ATOSB: variants seen among roughly 807,000 people sequenced by gnomAD.
ATOSB encodes the protein atos homolog B, also known as atos homolog protein B.
At chr9:35,107,876 G>C in the ATOSB span, 1 of 1,596,132 alleles carries the variant, frequency 6.3e-7, no homozygotes, top group Non-Finnish European at 8.5e-7. Context: ...TCCAAGATGA[G>C]GTGACACTAC....
At chr9:35,108,188 C>G in the ATOSB span, 1 of 1,597,674 alleles carries the variant, frequency 6.3e-7, no homozygotes, top group Non-Finnish European at 8.5e-7. Flanking sequence ...GCAGGCCACC[C>G]TGGAGGGCCC....
chr9:35,108,428 C>T, the ATOSB span: 1 of 1,400,544 alleles, frequency 7.1e-7, no homozygotes, highest in Non-Finnish European at 9.2e-7. Flanking sequence ...CAGACCCTCT[C>T]CTTGCCTAAA....
chr9:35,112,167 C>A, the ATOSB span, among the ~76,000 whole-genome samples: 1 of 152,212 alleles, frequency 6.6e-6, no homozygotes, highest in Non-Finnish European at 1.5e-5. Context: ...AGAAGTGGTA[C>A]TTTTCCCTCT....
chr9:35,105,130 G>A, the ATOSB span: 2 of 1,388,984 alleles, frequency 1.4e-6, no homozygotes, highest in Non-Finnish European at 1.9e-6. This position sits in a 1 kb window ranked among gnomAD's most constrained non-coding sequence, Gnocchi z 5.5. Context: ...ATTCAAGCCT[G>A]AAGGGTCTCT....
At chr9:35,106,975 G>C in the ATOSB span, 1 of 1,240,340 alleles carries the variant, frequency 8.1e-7, no homozygotes. This position sits in a 1 kb window ranked among gnomAD's most constrained non-coding sequence, Gnocchi z 4.6. Flanking sequence ...ACTCTCAAAG[G>C]AACACCCTGC....
At chr9:35,107,850 C>A in the ATOSB span, 3 of 1,598,202 alleles carry the variant, frequency 1.9e-6, no homozygotes, top group Non-Finnish European at 2.6e-6. Flanking sequence ...GCAGGGGGGA[C>A]TCCAGGCCCC....
the ATOSB span, chr9:35,106,787 G>A: frequency 3.9e-6 from 6 of 1,545,740 alleles, no homozygotes; most frequent in Non-Finnish European, 5.3e-6. The surrounding 1 kb of genome is among the most constrained non-coding windows in gnomAD (Gnocchi z 4.6). Flanking sequence ...ACAGACTTCT[G>A]CCCCCATTCT....
chr9:35,112,858 T>TA, the ATOSB span, among the ~76,000 whole-genome samples: 14 of 152,094 alleles, frequency 9.2e-5, no homozygotes, highest in African/African-American at 3.4e-4. Flanking sequence ...CCTGAGGTTA[T>TA]ATCACTAGAT....
chr9:35,108,120 A>G, the ATOSB span: 1 of 1,565,554 alleles, frequency 6.4e-7, no homozygotes, highest in Non-Finnish European at 8.6e-7. Flanking sequence ...AGGGGAAAAG[A>G]TGGATACCTG....
the ATOSB span, chr9:35,106,952 A>C: frequency 6.9e-7 from 1 of 1,447,384 alleles, no homozygotes; most frequent in Non-Finnish European, 9.5e-7. The surrounding 1 kb of genome is among the most constrained non-coding windows in gnomAD (Gnocchi z 4.6). Flanking sequence ...TTTGGGGCAG[A>C]AGCTCATCAC....
chr9:35,106,945 G>A, the ATOSB span: 1 of 1,486,084 alleles, frequency 6.7e-7, no homozygotes. This position sits in a 1 kb window ranked among gnomAD's most constrained non-coding sequence, Gnocchi z 4.6. Context: ...TGTATGTTTT[G>A]GGGCAGAAGC....
chr9:35,108,131 G>A, the ATOSB span: 1 of 1,570,598 alleles, frequency 6.4e-7, no homozygotes, highest in Non-Finnish European at 8.6e-7. Context: ...TGGATACCTG[G>A]TAGACCCCGG....
the ATOSB span, among the ~76,000 whole-genome samples, chr9:35,112,909 T>A: frequency 1.3e-5 from 2 of 152,038 alleles, no homozygotes; most frequent in African/African-American, 4.8e-5. Context: ...AGTCCCTCAG[T>A]CCTAGACTTG....
chr9:35,104,583 GCACA>G, the ATOSB span: 5 of 387,298 alleles, frequency 1.3e-5, no homozygotes, highest in East Asian at 5.1e-4. Context: ...ACAAGCTTGT[GCACA>G]CACACATACG....
the ATOSB span, chr9:35,108,278 G>GC: frequency 1.3e-6 from 2 of 1,539,456 alleles, no homozygotes; most frequent in East Asian, 2.4e-5. Context: ...GGCGCATGAA[G>GC]CCCCCCTTGG....
chr9:35,105,158 T>C, the ATOSB span: 1 of 1,519,720 alleles, frequency 6.6e-7, no homozygotes, highest in Non-Finnish European at 8.9e-7. This position sits in a 1 kb window ranked among gnomAD's most constrained non-coding sequence, Gnocchi z 5.5. Context: ...TCTCCATATA[T>C]GTTCTCTAAG....
chr9:35,105,992 G>A, the ATOSB span: 1 of 1,613,864 alleles, frequency 6.2e-7, no homozygotes, highest in Non-Finnish European at 8.5e-7. The surrounding 1 kb of genome is among the most constrained non-coding windows in gnomAD (Gnocchi z 5.5). Context: ...TCCCCAAGGG[G>A]TTCAGATCCA....
the ATOSB span, among the ~76,000 whole-genome samples, chr9:35,113,354 G>A: frequency 2.6e-4 from 39 of 152,146 alleles, no homozygotes; most frequent in African/African-American, 8.9e-4. Context: ...CACCAGGTAC[G>A]GTGGCTCACG....
At chr9:35,104,650 G>T in the ATOSB span, 1 of 423,980 alleles carries the variant, frequency 2.4e-6, no homozygotes, top group Non-Finnish European at 4.9e-6. Flanking sequence ...GAAGGGACTG[G>T]GGAAGGACAG....
Sources: gnomAD v4.1 joint callset for allele counts (sites outside exome capture counted in the v4.1 genomes callset) on GRCh38, gnomAD v4.1.1 for gene constraint, Gnocchi (gnomAD v3.1) non-coding constraint, MANE v1.5 for transcripts, NCBI Gene and HGNC (gene_info 2026-07-23, HGNC 2026-07-21) for gene names.